The following MLLT3 variants were observed in gnomAD, a reference collection of about 807,000 sequenced individuals.
MLLT3 encodes MLLT3 super elongation complex subunit.
A neutral mutation model predicts 53.2 loss-of-function variants in MLLT3; 4 were observed. The ratio of observed to expected loss-of-function variants is 0.08; its 90% CI spans 0.04 to 0.17. The LOEUF (loss-of-function observed/expected upper bound fraction) is 0.17, where lower values mean the gene tolerates loss of function less well. MLLT3 is among the 10% of genes least tolerant of loss of function. The pLI is 1.00. For missense variants in MLLT3, 569 were observed against 684.0 expected (o/e 0.83, Z 1.87); for synonymous variants, 283 against 230.6 (o/e 1.23, Z -2.06).
In MLLT3 at chr9:20,538,898, T is replaced by G. The variant is rs568500067; in HGVS notation, c.193+81756A>C. ...GTGCAAATAAAAGTTATGTTTATAC[T>G]ATAATATAATATACACATGTGCGAT... On this transcript the variant is annotated intron_variant, in intron 2 of 10. Transcript: ENST00000380338. 2.0e-5 allele frequency among the ~76,000 whole-genome samples: 3 copies of G among 151,670 alleles called. No homozygotes were observed. The East Asian group carries it at 5.8e-4, about 29-fold the overall frequency.
intron 7 of MLLT3, among the ~76,000 whole-genome samples, chr9:20,362,198 T>G (rs980407130): frequency 6.6e-6 from 1 of 152,196 alleles, no homozygotes; most frequent in African/African-American, 2.4e-5. Context: ...CCAAAATGTG[T>G]ATCTGTATCA....
chr9:20,558,040 G>A (rs1819107341), intron 2 of MLLT3, among the ~76,000 whole-genome samples: 1 of 152,180 alleles, frequency 6.6e-6, no homozygotes, highest in Non-Finnish European at 1.5e-5. Context: ...CAGGCCTACA[G>A]TTGGCTGTAG....
chr9:20,605,719 G>T lies in MLLT3; in HGVS notation c.193+14935C>A, dbSNP rs142460589. On this transcript the variant is annotated intron_variant, in intron 2 of 10. Transcript: ENST00000380338. ...ACAATTTTAGTCAGATTTTAAGCTA[G>T]TATAACATTTATACTATATGCCATA... 3.0e-3 allele frequency among the ~76,000 whole-genome samples: 449 copies of T among 152,080 alleles called. 3 individuals carry two copies. Among genetic ancestry groups the T allele is most frequent in the African/African-American group, 0.01 (431 of 41,512 alleles).
rs536874604 is a variant in MLLT3 at position 20,527,434 on chromosome 9, T to C, written c.194-70648A>G. 2.0e-5 allele frequency among the ~76,000 whole-genome samples: 3 copies of C among 152,338 alleles called. No homozygotes were observed. In the South Asian group the frequency reaches 6.2e-4, roughly 32 times the overall value. The stretch of plus-strand genomic sequence containing the variant: ...AATGAGGGCAGATGACAGTAGTCTA[T>C]GGAGTTTTGAACAGACCTTACTTAA... On this transcript the variant is annotated intron_variant, in intron 2 of 10. Coordinates refer to ENST00000380338, the MANE Select transcript of MLLT3 (RefSeq NM_004529.4).
intron 2 of MLLT3, among the ~76,000 whole-genome samples, chr9:20,563,019 C>A (rs895704469): frequency 3.9e-5 from 6 of 152,160 alleles, no homozygotes; most frequent in Admixed American, 6.6e-5. Context: ...CACAGCCCTG[C>A]TGGCTTGCTA....
At chr9:20,356,542 C>T (rs566791599) in intron 8 of MLLT3, among the ~76,000 whole-genome samples, 3 of 151,888 alleles carry the variant, frequency 2.0e-5, no homozygotes, top group African/African-American at 4.8e-5. Flanking sequence ...AGAGACAATC[C>T]GCTGAGATTT....
intron 2 of MLLT3, among the ~76,000 whole-genome samples, chr9:20,577,312 T>C (rs892287879): frequency 3.9e-5 from 6 of 152,178 alleles, no homozygotes; most frequent in Non-Finnish European, 7.4e-5. Context: ...TAACCTGATA[T>C]ATTCACGTGG....
At chr9:20,357,981 GCACACACACACACACA>G (rs3222132) in intron 8 of MLLT3, among the ~76,000 whole-genome samples, 1 of 139,342 alleles carries the variant, frequency 7.2e-6, no homozygotes, top group South Asian at 2.4e-4. Context: ...TCCCTCCTGC[GCACACACACACACACA>G]CACACACACA....
chr9:20,420,409 A>C (rs754913886), intron 4 of MLLT3, among the ~76,000 whole-genome samples: 1 of 152,234 alleles, frequency 6.6e-6, no homozygotes, highest in Non-Finnish European at 1.5e-5. Context: ...GAATGGGCAA[A>C]GAAATATCAG....
At chr9:20,470,032 A>G (rs192065149) in intron 2 of MLLT3, among the ~76,000 whole-genome samples, 1 of 152,198 alleles carries the variant, frequency 6.6e-6, no homozygotes, top group East Asian at 1.9e-4. Context: ...ATTTATTTAT[A>G]TAAAAAGAAA....
At chr9:20,388,150 G>A (rs924506283) in intron 5 of MLLT3, among the ~76,000 whole-genome samples, 1 of 151,858 alleles carries the variant, frequency 6.6e-6, no homozygotes, top group Non-Finnish European at 1.5e-5. Context: ...GGAAGATCAA[G>A]TATTGATTTA....
At chr9:20,361,889 A>C (rs1352221529) in intron 7 of MLLT3, among the ~76,000 whole-genome samples, 13 of 152,224 alleles carry the variant, frequency 8.5e-5, no homozygotes, top group Non-Finnish European at 2.9e-5. Context: ...CTGAATAGGC[A>C]ATCACATTCT....
At chr9:20,550,552 G>A (rs910423944) in intron 2 of MLLT3, among the ~76,000 whole-genome samples, 2 of 151,522 alleles carry the variant, frequency 1.3e-5, no homozygotes, top group African/African-American at 4.8e-5. Context: ...CACCCCACGA[G>A]TAACTGGGAC....
At position 20,345,685 on chromosome 9, in the gene MLLT3, C is replaced by T. The variant is rs1820848289; in HGVS notation, c.*758G>A. 4.6e-6 allele frequency: 1 copy of T among 216,434 alleles called. No homozygotes were observed. Among genetic ancestry groups the T allele is most frequent in the African/African-American group, 2.3e-5 (1 of 44,430 alleles). The allele number at this position is 216,434 out of a possible 1,614,324, so 13.4% of individuals were successfully genotyped here. A position where few individuals can be genotyped will look rare whatever the true frequency, so the allele number is the denominator to read the frequency against. On this transcript the variant is annotated 3_prime_UTR_variant, in exon 11 of 11. Transcript: ENST00000380338. ...AGGCTAGACAGCAATTCATATGATC[C>T]TATTTGGTGCATTTTCTACCATGGT...
chr9:20,620,921 CT>C lies in MLLT3; in HGVS notation c.13-88del, dbSNP rs1563848205. On this transcript the variant is annotated intron_variant, in intron 1 of 10. Transcript: ENST00000380338. The surrounding 1 kb of genome is among the most constrained non-coding windows in gnomAD (Gnocchi z 6.1). ...CGTTGCGCCTGACATTTTTTTCCTC[CT>C]TCTTGAAACGCACATAAAAGGAAAC... 7.0e-7 allele frequency: 1 copy of C among 1,426,350 alleles called. No individual in the cohort carries two copies. The highest frequency in any genetic ancestry group is 9.8e-7 in the Non-Finnish European group (1 of 1,021,510). 88.4% of individuals were successfully genotyped at this position (1,426,350 alleles called of 1,614,324 possible).
At chr9:20,562,685 G>A (rs1008935749) in intron 2 of MLLT3, among the ~76,000 whole-genome samples, 1 of 152,094 alleles carries the variant, frequency 6.6e-6, no homozygotes, top group Non-Finnish European at 1.5e-5. Flanking sequence ...TGTTTTTAGG[G>A]GATGACCAGG....
chr9:20,379,714 A>G (rs1365298758), intron 5 of MLLT3, among the ~76,000 whole-genome samples: 1 of 151,998 alleles, frequency 6.6e-6, no homozygotes, highest in African/African-American at 2.4e-5. Flanking sequence ...TTAAAAATAT[A>G]CACACACACA....
chr9:20,532,632 G>A (rs1037626408), intron 2 of MLLT3: 2 of 261,042 alleles, frequency 7.7e-6, no homozygotes, highest in Non-Finnish European at 7.3e-6. Flanking sequence ...CCAAGAAAGT[G>A]GTAAATCTCC....
chr9:20,513,151 A>C lies in MLLT3; in HGVS notation c.194-56365T>G, dbSNP rs533225478. On this transcript the variant is annotated intron_variant, in intron 2 of 10. Transcript: ENST00000380338. The stretch of plus-strand genomic sequence containing the variant: ...TGTACCTTTCATGAGATCCTTCTTC[A>C]TCCTGGCAGACAGCCTAATGCCTAA... Among the ~76,000 whole-genome samples, 3 of 152,296 alleles carry C rather than the reference A, an allele frequency of 2.0e-5. No individual in the cohort carries two copies. In the East Asian group the frequency reaches 5.8e-4, roughly 29 times the overall value.
Sources: allele counts gnomAD v4.1 joint callset (sites outside exome capture counted in the v4.1 genomes callset), GRCh38; gene constraint gnomAD v4.1.1; non-coding constraint Gnocchi (gnomAD v3.1); transcripts MANE v1.5; gene names NCBI Gene and HGNC (gene_info 2026-07-23, HGNC 2026-07-21).